Variants in MORN1 observed in about 807,000 individuals in gnomAD.
The protein encoded by MORN1 is MORN repeat containing 1.
A neutral mutation model predicts 61.9 loss-of-function variants in MORN1; 67 were observed. That is an observed-to-expected ratio of 1.08 (90% CI 0.89 to 1.33). MORN1 has a LOEUF of 1.33. Ranked by LOEUF, MORN1 falls within the 40% of genes most tolerant of loss-of-function variation. The probability of loss-of-function intolerance (pLI) is 0.00; values close to 1 mark genes in which losing one functional copy is unlikely to be tolerated. For missense variants in MORN1, 752 were observed against 691.2 expected (o/e 1.09, Z -0.99); for synonymous variants, 301 against 292.0 (o/e 1.03, Z -0.31).
rs1311901576 is a variant in MORN1, at chr1:2,385,708, T to A, written c.449+99A>T. Reference sequence around the variant, plus strand: ...CAGGGGCCGGAACAGGCCCGGGGTGTCCCATGGCAGTCCTGTCTACACCCC... The same window carrying A: ...CAGGGGCCGGAACAGGCCCGGGGTGACCCATGGCAGTCCTGTCTACACCCC... On this transcript the variant is annotated intron_variant, in intron 5 of 13. Transcript: ENST00000378531. 5.4e-6 allele frequency: 6 copies of A among 1,107,546 alleles called. No individual in the cohort carries two copies. The East Asian group carries it at 1.4e-4, about 26-fold the overall frequency. The allele number at this position is 1,107,546 out of a possible 1,614,324, so 68.6% of individuals were successfully genotyped here. A position where few individuals can be genotyped will look rare whatever the true frequency, so the allele number is the denominator to read the frequency against.
chr1:2,331,888 C>CTGCGCCTCTCCCTCG, intron 12 of MORN1, among the ~76,000 whole-genome samples: 6 of 134,744 alleles, frequency 4.5e-5, no homozygotes, highest in Non-Finnish European at 7.9e-5. Flanking sequence ...TCTCCCGCCC[C>CTGCGCCTCTCCCTCG]TGCGCCTCTC....
chr1:2,390,801 T>C (rs897193313), intron 1 of MORN1: 1 of 962,350 alleles, frequency 1.0e-6, no homozygotes, highest in Non-Finnish European at 1.2e-6. Flanking sequence ...CAGGCTGGGG[T>C]GCAGCGGCGC....
chr1:2,325,959 C>T (rs537251784), intron 12 of MORN1, among the ~76,000 whole-genome samples: 11 of 152,220 alleles, frequency 7.2e-5, no homozygotes, highest in Admixed American at 2.0e-4. Flanking sequence ...CCAGGTGTGC[C>T]GGGCTGGGCT....
At chr1:2,343,763 C>G (rs371794342) in intron 10 of MORN1, among the ~76,000 whole-genome samples, 1 of 152,180 alleles carries the variant, frequency 6.6e-6, no homozygotes, top group East Asian at 1.9e-4. Context: ...CCAGCTTTCC[C>G]GGGGACTGGC....
rs1269596406 is a variant in MORN1, at chr1:2,327,307, AAC to A, written c.1251-3166_1251-3165del. Among the ~76,000 whole-genome samples, 3 of 151,086 alleles carry A rather than the reference AAC, an allele frequency of 2.0e-5. No homozygotes were observed. In the Middle Eastern group the frequency reaches 0.01, roughly 528 times the overall value. On this transcript the variant is annotated intron_variant, in intron 12 of 13. Coordinates refer to ENST00000378531, the MANE Select transcript of MORN1 (RefSeq NM_024848.3). ...AGAAACACACAGAAACACAGAAACA[AAC>A]ACAGAGACACAGAAACACACAGAAA...
intron 1 of MORN1, 35 bp downstream of exon 1, chr1:2,391,423 A>G: frequency 8.0e-7 from 1 of 1,255,144 alleles, no homozygotes; most frequent in Non-Finnish European, 1.0e-6. Context: ...AGCCCAGGGC[A>G]GCCAGCGACC....
chr1:2,339,718 G>C (rs954104250), intron 10 of MORN1, among the ~76,000 whole-genome samples: 5 of 152,116 alleles, frequency 3.3e-5, no homozygotes, highest in African/African-American at 1.2e-4. Flanking sequence ...TCGCCCTTCA[G>C]TCCATTGTTT....
At chr1:2,368,698 C>T (rs1465086521) in intron 8 of MORN1, among the ~76,000 whole-genome samples, 3 of 152,148 alleles carry the variant, frequency 2.0e-5, no homozygotes, top group Non-Finnish European at 2.9e-5. Flanking sequence ...ACATCATTAG[C>T]CTTTAGGGAA....
At chr1:2,356,177 T>C (rs2645085) in intron 10 of MORN1, among the ~76,000 whole-genome samples, 77,562 of 151,858 alleles carry the variant, frequency 0.51, 21,095 homozygotes, top group African/African-American at 0.71. Context: ...GTGCCATCTG[T>C]GCAAATCCTG....
chr1:2,323,652 A>C, intron 13 of MORN1: 1 of 984,978 alleles, frequency 1.0e-6, no homozygotes. Flanking sequence ...TGCTGTCCCC[A>C]CAGCAGCCCC....
At chr1:2,369,983 C>A (rs1345182726) in intron 8 of MORN1, among the ~76,000 whole-genome samples, 2 of 152,134 alleles carry the variant, frequency 1.3e-5, no homozygotes, top group African/African-American at 4.8e-5. Flanking sequence ...CAGAAGTTGG[C>A]AAACTGATCT....
At chr1:2,365,588 C>A (rs1461239359) in intron 8 of MORN1, among the ~76,000 whole-genome samples, 3 of 149,896 alleles carry the variant, frequency 2.0e-5, no homozygotes, top group Non-Finnish European at 4.4e-5. Context: ...GAACTTCCAA[C>A]ACTATGTTGA....
In MORN1 at chr1:2,321,678, G is replaced by C. The variant is rs1640884504; in HGVS notation, c.1298-99C>G. 13 of 1,374,622 alleles carry C rather than the reference G, an allele frequency of 9.5e-6. No individual in the cohort carries two copies. In the South Asian group the frequency reaches 2.1e-4, roughly 22 times the overall value. The allele number at this position is 1,374,622 out of a possible 1,614,324, so 85.2% of individuals were successfully genotyped here. A position where few individuals can be genotyped will look rare whatever the true frequency, so the allele number is the denominator to read the frequency against. Reference sequence around the variant, plus strand: ...CTGTCTCATGTGCCCGCTGGCCCCTGTGCCCCCGACCCTGGTCATCTCTGC... The same window carrying C: ...CTGTCTCATGTGCCCGCTGGCCCCTCTGCCCCCGACCCTGGTCATCTCTGC... On this transcript the variant is annotated intron_variant, in intron 13 of 13. Transcript: ENST00000378531.
intron 6 of MORN1, chr1:2,379,176 T>C (rs1324432278): frequency 2.1e-6 from 1 of 471,012 alleles, no homozygotes; most frequent in Non-Finnish European, 4.4e-6. Flanking sequence ...GGTGCCTGGG[T>C]AGCAGCCGAT....
intron 8 of MORN1, among the ~76,000 whole-genome samples, chr1:2,363,833 ATCAGAGATGAT>A (rs1641948302): frequency 1.4e-5 from 2 of 143,334 alleles, no homozygotes; most frequent in Admixed American, 6.9e-5. Flanking sequence ...TATAAAAAAA[ATCAGAGATGAT>A]AAAATGGAAT....
chr1:2,357,393 G>T lies in MORN1; in HGVS notation c.1036+39C>A. 1 of 1,550,442 alleles carries T rather than the reference G, an allele frequency of 6.4e-7. No individual in the cohort carries two copies. The highest frequency in any genetic ancestry group is 8.7e-7 in the Non-Finnish European group (1 of 1,146,386). On this transcript the variant is annotated intron_variant, in intron 10 of 13. Coordinates refer to ENST00000378531, the MANE Select transcript of MORN1 (RefSeq NM_024848.3). The surrounding 1 kb of genome is among the most constrained non-coding windows in gnomAD (Gnocchi z 6.3). ...ACCCCCACCTTGACTGCTGGGCCTG[G>T]GCCCACCCACCCCCAACTGGTTTGT... is the stretch of plus-strand genomic sequence containing the variant.
rs544989620 is a variant in MORN1 at position 2,322,895 on chromosome 1, C to T, written c.1297+1202G>A. On this transcript the variant is annotated intron_variant, in intron 13 of 13. Coordinates refer to ENST00000378531, the MANE Select transcript of MORN1 (RefSeq NM_024848.3). Reference sequence around the variant, plus strand: ...GGCAAGGGCTCTGGCTGGTGGCCACCGTGCGGCAGGCCGGGCCTCGACGGC... The same window carrying T: ...GGCAAGGGCTCTGGCTGGTGGCCACTGTGCGGCAGGCCGGGCCTCGACGGC... 1.0e-4 allele frequency: 102 copies of T among 985,420 alleles called. No homozygotes were observed. The Middle Eastern group carries it at 1.6e-3, about 15-fold the overall frequency. 61.0% of individuals were successfully genotyped at this position (985,420 alleles called of 1,614,324 possible). A position where few individuals can be genotyped will look rare whatever the true frequency, so the allele number is the denominator to read the frequency against.
rs1640902040 is a variant in MORN1 at position 2,322,392 on chromosome 1, A to G, written c.1298-813T>C. ...CAGGAGTCGGCTCACACCGCAAGGC[A>G]GAGCAACATTCCAGACGCCGGCCTG... On this transcript the variant is annotated intron_variant, in intron 13 of 13. Transcript: ENST00000378531. The G allele has an allele frequency of 1.0e-5, 10 of 985,226 alleles. No individual in the cohort carries two copies. The Admixed American group carries it at 6.1e-4, about 61-fold the overall frequency. 61.0% of individuals were successfully genotyped at this position (985,226 alleles called of 1,614,324 possible).
At chr1:2,354,569 C>T (rs561736293) in intron 10 of MORN1, among the ~76,000 whole-genome samples, 5 of 152,238 alleles carry the variant, frequency 3.3e-5, no homozygotes, top group South Asian at 2.1e-4. Context: ...TAGAAGCCTA[C>T]GGGAGTGCCC....
Sources: allele counts gnomAD v4.1 joint callset (sites outside exome capture counted in the v4.1 genomes callset), GRCh38; gene constraint gnomAD v4.1.1; non-coding constraint Gnocchi (gnomAD v3.1); transcripts MANE v1.5; gene names NCBI Gene and HGNC (gene_info 2026-07-23, HGNC 2026-07-21).